The following MDH1B variants were observed in gnomAD, a reference collection of about 807,000 sequenced individuals.
The protein encoded by MDH1B is malate dehydrogenase 1B.
In MDH1B, 60 loss-of-function variants were observed where a neutral mutation model predicts 61.4. The ratio of observed to expected loss-of-function variants is 0.98; its 90% CI spans 0.79 to 1.21. MDH1B has a LOEUF of 1.21. MDH1B is among the 50% of genes most tolerant of loss of function. The pLI is 0.00. For missense variants in MDH1B, 587 were observed against 632.1 expected, an observed-to-expected ratio of 0.93 and a Z score of 0.76; for synonymous variants, 236 against 218.7, an observed-to-expected ratio of 1.08 and a Z score of -0.70.
intron 9 of MDH1B, among the ~76,000 whole-genome samples, chr2:206,742,527 G>T (rs1319478863): frequency 6.6e-6 from 1 of 152,076 alleles, no homozygotes; most frequent in Non-Finnish European, 1.5e-5. Flanking sequence ...AGGCAAGAGT[G>T]ACGGCCTCCC....
chr2:206,738,905 G>A (rs1175744602), intron 11 of MDH1B, among the ~76,000 whole-genome samples: 2 of 152,296 alleles, frequency 1.3e-5, no homozygotes, highest in Admixed American at 6.5e-5. Flanking sequence ...AATGAAAGGT[G>A]CATGAAATTT....
intron 2 of MDH1B, among the ~76,000 whole-genome samples, chr2:206,759,789 C>G (rs1688984546): frequency 6.6e-6 from 1 of 152,156 alleles, no homozygotes; most frequent in African/African-American, 2.4e-5. Context: ...AATCCTGAAA[C>G]AATAGAGGCC....
chr2:206,759,560 A>G (rs906228279), intron 2 of MDH1B, among the ~76,000 whole-genome samples: 1 of 152,202 alleles, frequency 6.6e-6, no homozygotes, highest in African/African-American at 2.4e-5. Flanking sequence ...CCAATAGCCT[A>G]TAAGTGTTCC....
rs199742887 is a variant in MDH1B at position 206,744,945 on chromosome 2, AAT to A, written c.1408+675_1408+676del. Among the ~76,000 whole-genome samples, 552 of 123,424 alleles carry A rather than the reference AAT, an allele frequency of 4.5e-3. 20 individuals carry two copies. In the East Asian group the frequency reaches 0.1, roughly 22 times the overall value. The allele number at this position is 123,424 out of a possible 152,430, so 81.0% of individuals were successfully genotyped here. On this transcript the variant is annotated intron_variant, in intron 9 of 11. Coordinates refer to ENST00000374412, the MANE Select transcript of MDH1B (RefSeq NM_001039845.3). ...GTCTAAATAAATAAATAAATAAATAAATAAAATATATATATATATGTTGAAGT... is the reference window on the plus strand; with the variant it reads ...GTCTAAATAAATAAATAAATAAATAAAAAATATATATATATATGTTGAAGT...
chr2:206,741,015 T>A (rs779715873), intron 10 of MDH1B, 39 bp downstream of exon 10: 1 of 1,611,862 alleles, frequency 6.2e-7, no homozygotes, highest in Non-Finnish European at 8.5e-7. Context: ...GTCACGACTA[T>A]TAGCAATATA....
At chr2:206,750,183 A>C (rs963824283) in intron 6 of MDH1B, among the ~76,000 whole-genome samples, 24 of 151,942 alleles carry the variant, frequency 1.6e-4, no homozygotes, top group Non-Finnish European at 3.2e-4. Flanking sequence ...CAAAGTTTAG[A>C]AAAAATGCTT....
At position 206,745,673 on chromosome 2, in the gene MDH1B, C is replaced by T; in HGVS notation, c.1357G>A (p.Glu453Lys). 1 of 1,607,110 alleles carries T rather than the reference C, an allele frequency of 6.2e-7. No homozygotes were observed. Residue 453 changes from glutamate to lysine, a missense_variant and splice_region_variant, in exon 9 of 12, where the codon GAG (glutamate) becomes AAG (lysine). By Grantham distance (56) the Glu-to-Lys change is moderately conservative. Coordinates refer to ENST00000374412, the MANE Select transcript of MDH1B (RefSeq NM_001039845.3). ...TTGTCTCCAAGTGCAACAAGTTTCT[C>T]CTGTTGAAATTTTATAATCACAGAA... ...MTRMTSDLIQ[E>K]KLVALGDKIH...
In MDH1B at chr2:206,765,284, C is replaced by T. The variant is rs1221126302; in HGVS notation, c.-13G>A. The T allele has an allele frequency of 1.9e-6, 3 of 1,598,248 alleles. No individual in the cohort carries two copies. Among genetic ancestry groups the T allele is most frequent in the Non-Finnish European group, 2.6e-6 (3 of 1,174,822 alleles). ...CGAATTTGGCCATGGTCGAGAGAGA[C>T]TCAGAGGCAGGGACCGCGGCTTCGC... On this transcript the variant is annotated 5_prime_UTR_variant, in exon 1 of 12. Coordinates refer to ENST00000374412, the MANE Select transcript of MDH1B (RefSeq NM_001039845.3).
intron 5 of MDH1B, among the ~76,000 whole-genome samples, chr2:206,754,671 A>G (rs1269598491): frequency 1.3e-5 from 2 of 152,224 alleles, no homozygotes; most frequent in Non-Finnish European, 2.9e-5. Flanking sequence ...AGCCACTTGC[A>G]CATAGTTTTG....
At chr2:206,750,273 T>C (rs1458677029) in intron 6 of MDH1B, among the ~76,000 whole-genome samples, 1 of 151,452 alleles carries the variant, frequency 6.6e-6, no homozygotes, top group Non-Finnish European at 1.5e-5. Flanking sequence ...CTAAGTCCTT[T>C]ATTGGGAGTA....
rs554519935 is a variant in MDH1B, at chr2:206,755,218, G to C, written c.701C>G (p.Pro234Arg). ...TLEDCLRSRV[P>R]LCRLYGYLIE... is the part of the protein sequence containing the mutation. ...CAGGTACCCATAGAGCCTGCAGAGA[G>C]GCACCCTGCTTCGGAGGCAGTCCTC... is the stretch of plus-strand genomic sequence containing the variant. The change falls in exon 5 of 12, where the codon CCT (proline) becomes CGT (arginine). Residue 234 changes from proline to arginine, a missense_variant. Pro to Arg is a moderately radical substitution (Grantham distance 103, BLOSUM62 -2). Coordinates refer to ENST00000374412, the MANE Select transcript of MDH1B (RefSeq NM_001039845.3). The C allele has an allele frequency of 9.0e-5, 145 of 1,614,166 alleles. No individual in the cohort carries two copies. The South Asian group carries it at 1.5e-3, about 17-fold the overall frequency.
intron 4 of MDH1B, 49 bp downstream of exon 4, chr2:206,756,849 C>T (rs771401239): frequency 1.3e-6 from 2 of 1,598,244 alleles, no homozygotes; most frequent in South Asian, 2.2e-5. Context: ...ATTGTCCTTT[C>T]TAAATATAAA....
At chr2:206,759,016 T>A (rs1224478879) in intron 2 of MDH1B, among the ~76,000 whole-genome samples, 1 of 150,894 alleles carries the variant, frequency 6.6e-6, no homozygotes, top group Non-Finnish European at 1.5e-5. Flanking sequence ...GGGGTACAAG[T>A]GCAGTTTTGT....
chr2:206,765,171 T>G, intron 1 of MDH1B, 79 bp downstream of exon 1: 3 of 1,556,516 alleles, frequency 1.9e-6, no homozygotes, highest in Non-Finnish European at 2.6e-6. Context: ...GTATAGAGGC[T>G]GCCAAGCCGA....
chr2:206,739,359 A>C (rs1475027040), intron 11 of MDH1B, among the ~76,000 whole-genome samples: 1 of 152,022 alleles, frequency 6.6e-6, no homozygotes, highest in African/African-American at 2.4e-5. Flanking sequence ...GGTTGCAGTG[A>C]GCTGTAACCG....
chr2:206,744,139 A>G (rs1031563544), intron 9 of MDH1B, among the ~76,000 whole-genome samples: 2 of 152,156 alleles, frequency 1.3e-5, no homozygotes, highest in Non-Finnish European at 2.9e-5. Context: ...AAACAAGTTG[A>G]TATGTACTTT....
chr2:206,746,511 G>A, intron 7 of MDH1B, 85 bp from the exon 8 acceptor site: 1 of 1,365,950 alleles, frequency 7.3e-7, no homozygotes, highest in Non-Finnish European at 9.7e-7. Flanking sequence ...GAAAATGACA[G>A]ACATAGTATA....
intron 9 of MDH1B, among the ~76,000 whole-genome samples, chr2:206,742,631 G>C (rs1021794907): frequency 2.0e-5 from 3 of 151,708 alleles, no homozygotes; most frequent in African/African-American, 7.3e-5. Flanking sequence ...CTAAAGTCTT[G>C]GTGGGCCTCT....
At chr2:206,764,506 A>G (rs1320112350) in intron 1 of MDH1B, among the ~76,000 whole-genome samples, 1 of 152,156 alleles carries the variant, frequency 6.6e-6, no homozygotes, top group Non-Finnish European at 1.5e-5. Context: ...CTACTCTTTT[A>G]AGAAACTTTA....
Sources: gnomAD v4.1 joint callset for allele counts (sites outside exome capture counted in the v4.1 genomes callset) on GRCh38, gnomAD v4.1.1 for gene constraint, MANE v1.5 for transcripts, NCBI Gene and HGNC (gene_info 2026-07-23, HGNC 2026-07-21) for gene names.